The following HGSNAT variants were observed in gnomAD, a reference collection of about 807,000 sequenced individuals.
HGSNAT encodes heparan-alpha-glucosaminide N-acetyltransferase.
Under a neutral mutation model 85.2 loss-of-function variants are expected in HGSNAT, and 59 were observed. That is an observed-to-expected ratio of 0.69 (90% CI 0.56 to 0.86). The LOEUF is 0.86. Among genes scored for constraint, HGSNAT ranks in the 40% least tolerant of loss-of-function variants. The pLI, the probability that HGSNAT is intolerant of heterozygous loss-of-function variation, is 0.00. For synonymous variants in HGSNAT, 321 were observed against 304.5 expected, an observed-to-expected ratio of 1.05 and a Z score of -0.56; for missense variants, 756 against 777.1, an observed-to-expected ratio of 0.97 and a Z score of 0.32.
At chr8:43,193,696 G>A in intron 13 of HGSNAT, 61 bp from the exon 14 acceptor site, 1 of 1,092,062 alleles carries the variant, frequency 9.2e-7, no homozygotes, top group Non-Finnish European at 1.4e-6. Context: ...TGGTCTAGGA[G>A]CTGTTTGTAC....
intron 1 of HGSNAT, among the ~76,000 whole-genome samples, chr8:43,140,940 C>G (rs1463992089): frequency 6.6e-6 from 1 of 152,176 alleles, no homozygotes; most frequent in Non-Finnish European, 1.5e-5. Context: ...GATCGGGACG[C>G]CGGGACCCCA....
chr8:43,140,516 C>T lies in HGSNAT; in HGVS notation c.20C>T (p.Ala7Val). 2.8e-6 allele frequency: 3 copies of T among 1,079,956 alleles called. No individual in the cohort carries two copies. The highest frequency in any genetic ancestry group is 3.4e-6 in the Non-Finnish European group (3 of 893,196). 66.9% of individuals were successfully genotyped at this position (1,079,956 alleles called of 1,614,324 possible). A position where few individuals can be genotyped will look rare whatever the true frequency, so the allele number is the denominator to read the frequency against. The change falls in exon 1 of 18, where the codon GCG (alanine) becomes GTG (valine). Residue 7 changes from alanine to valine, a missense_variant. Physicochemically the swap from Ala to Val is moderately conservative, Grantham distance 64. Coordinates refer to ENST00000379644, the MANE Select transcript of HGSNAT (RefSeq NM_152419.3). ...GCGGGCATGAGCGGGGCGGGCAGGG[C>T]GCTGGCCGCGCTGCTGCTGGCCGCG... MSGAGRALAALLLAASV... is the reference protein window; with the variant it reads MSGAGRVLAALLLAASV...
intron 10 of HGSNAT, chr8:43,180,488 T>C (rs1273433116): frequency 5.2e-5 from 4 of 76,596 alleles, no homozygotes; most frequent in East Asian, 4.0e-4. Context: ...TCCCCACATC[T>C]CAGACGATGG....
At chr8:43,151,435 G>A (rs1192192456) in intron 2 of HGSNAT, among the ~76,000 whole-genome samples, 1 of 152,196 alleles carries the variant, frequency 6.6e-6, no homozygotes, top group East Asian at 1.9e-4. Context: ...GAAGCAGAGC[G>A]AGACCTCTCC....
At chr8:43,177,780 G>A (rs560495060) in intron 9 of HGSNAT, among the ~76,000 whole-genome samples, 92 of 152,154 alleles carry the variant, frequency 6.0e-4, no homozygotes, top group African/African-American at 2.0e-3. Context: ...CTGTGGCTTC[G>A]AATCATCATT....
chr8:43,186,572 G>T (rs1354125057), intron 11 of HGSNAT, among the ~76,000 whole-genome samples: 1 of 151,460 alleles, frequency 6.6e-6, no homozygotes, highest in Non-Finnish European at 1.5e-5. Context: ...CAATTTTGTT[G>T]ATCTTTTAAA....
intron 1 of HGSNAT, 22 bp downstream of exon 1, chr8:43,140,636 C>T: frequency 8.7e-7 from 1 of 1,150,848 alleles, no homozygotes; most frequent in Non-Finnish European, 1.1e-6. Flanking sequence ...CCTCCTACCG[C>T]CGCCCGGCCG....
chr8:43,157,888 C>A (rs879703186), intron 2 of HGSNAT, among the ~76,000 whole-genome samples: 11 of 152,056 alleles, frequency 7.2e-5, no homozygotes, highest in Non-Finnish European at 1.3e-4. Context: ...AGCTTTGAAA[C>A]CAGCCTAAAT....
rs1802478612 is a variant in HGSNAT at position 43,140,523 on chromosome 8, C to A, written c.27C>A (p.Ala9=). 1.8e-6 allele frequency: 2 copies of A among 1,098,790 alleles called. No individual in the cohort carries two copies. Among genetic ancestry groups the A allele is most frequent in the South Asian group, 8.5e-5 (2 of 23,460 alleles). 68.1% of individuals were successfully genotyped at this position (1,098,790 alleles called of 1,614,324 possible). Residue 9 remains alanine (A), a synonymous_variant, in exon 1 of 18, where the codon GCC becomes GCA. Coordinates refer to ENST00000379644, the MANE Select transcript of HGSNAT (RefSeq NM_152419.3). ...TGAGCGGGGCGGGCAGGGCGCTGGCCGCGCTGCTGCTGGCCGCGTCCGTGC... is the reference window on the plus strand; with the variant it reads ...TGAGCGGGGCGGGCAGGGCGCTGGCAGCGCTGCTGCTGGCCGCGTCCGTGC... MSGAGRAL[A]ALLLAASVLS... is the part of the protein sequence containing the mutation.
At position 43,158,963 on chromosome 8, in the gene HGSNAT, T is replaced by C. The variant is rs1281457648; in HGVS notation, c.412T>C (p.Leu138=). The C allele has an allele frequency of 6.2e-7, 1 of 1,613,004 alleles. No individual in the cohort carries two copies. Among genetic ancestry groups the C allele is most frequent in the African/African-American group, 1.3e-5 (1 of 75,064 alleles). Residue 138 remains leucine (L), a synonymous_variant, in exon 4 of 18, where the codon TTG becomes CTG. Transcript: ENST00000379644. ...RFGEFGNYSL[L]VKNIHNGVSE... ...TGGAGAATTTGGAAACTATTCTCTC[T>C]TGGTAAAGAACATCCATAATGGAGT...
chr8:43,198,739 A>G (rs553560467), intron 17 of HGSNAT, among the ~76,000 whole-genome samples: 1 of 152,188 alleles, frequency 6.6e-6, no homozygotes, highest in Non-Finnish European at 1.5e-5. Context: ...AACACATCAG[A>G]TCATTTCAAT....
intron 2 of HGSNAT, among the ~76,000 whole-genome samples, chr8:43,150,735 G>A (rs1426090826): frequency 2.6e-5 from 4 of 152,080 alleles, no homozygotes; most frequent in African/African-American, 7.2e-5. Context: ...TCGGGAGGCT[G>A]AGGCAGGAGA....
intron 8 of HGSNAT, among the ~76,000 whole-genome samples, chr8:43,172,913 T>C (rs1402837603): frequency 1.3e-5 from 2 of 152,220 alleles, no homozygotes; most frequent in Non-Finnish European, 2.9e-5. Flanking sequence ...TTCCTGTGTC[T>C]AGTTATGTTC....
intron 11 of HGSNAT, among the ~76,000 whole-genome samples, chr8:43,189,049 G>T (rs1804428279): frequency 6.6e-6 from 1 of 152,202 alleles, no homozygotes; most frequent in Non-Finnish European, 1.5e-5. Context: ...TCCCTACTGG[G>T]AGGTGTCTCC....
chr8:43,190,140 C>T (rs1005982755), intron 11 of HGSNAT, among the ~76,000 whole-genome samples: 4 of 152,176 alleles, frequency 2.6e-5, no homozygotes, highest in African/African-American at 9.7e-5. Flanking sequence ...TTATCAGAAG[C>T]ATGTCGGAGT....
intron 1 of HGSNAT, 102 bp downstream of exon 1, chr8:43,140,716 G>A (rs1802492179): frequency 4.2e-6 from 2 of 471,906 alleles, no homozygotes; most frequent in Non-Finnish European, 5.9e-6. Flanking sequence ...GCGCTAGGCC[G>A]GGCCGGAACC....
intron 14 of HGSNAT, 37 bp downstream of exon 14, chr8:43,193,880 A>G: frequency 3.1e-6 from 5 of 1,605,146 alleles, no homozygotes; most frequent in Non-Finnish European, 4.3e-6. Flanking sequence ...TTTTCTGACA[A>G]TTTATGATAT....
intron 1 of HGSNAT, 139 bp downstream of exon 1, chr8:43,140,753 G>A: frequency 3.5e-6 from 1 of 287,054 alleles, no homozygotes; most frequent in Non-Finnish European, 5.9e-6. Flanking sequence ...CTGTTGCTGC[G>A]ACTTCGCGGT....
At chr8:43,175,737 T>C (rs1803789515) in intron 9 of HGSNAT, among the ~76,000 whole-genome samples, 1 of 151,976 alleles carries the variant, frequency 6.6e-6, no homozygotes, top group African/African-American at 2.4e-5. Flanking sequence ...GGCTATTTTT[T>C]TGTATTTTTA....
Sources: gnomAD v4.1 joint callset for allele counts (sites outside exome capture counted in the v4.1 genomes callset) on GRCh38, gnomAD v4.1.1 for gene constraint, MANE v1.5 for transcripts, NCBI Gene and HGNC (gene_info 2026-07-23, HGNC 2026-07-21) for gene names.